Variants in SLC71A2 observed in about 807,000 individuals in gnomAD.
SLC71A2 encodes the protein hippocampus abundant transcript-like 1.
At chr9:94,460,475 T>C in the SLC71A2 span, 1 of 151,706 alleles carries the variant, frequency 6.6e-6, no homozygotes, top group Non-Finnish European at 1.5e-5. Context: ...TAAGTTCCTT[T>C]CTAAAATAAG....
chr9:94,441,380 G>A, the SLC71A2 span, among the ~76,000 whole-genome samples: 1 of 152,118 alleles, frequency 6.6e-6, no homozygotes, highest in African/African-American at 2.4e-5. Flanking sequence ...GGAGCAGGAG[G>A]AAGAGAGAGT....
the SLC71A2 span, among the ~76,000 whole-genome samples, chr9:94,406,066 A>ATTTT: frequency 0.11 from 6,880 of 63,496 alleles, 1,600 homozygotes; most frequent in African/African-American, 0.2. Context: ...TGCAACTTGA[A>ATTTT]TTTTTTTTTT....
chr9:94,400,581 A>AG, the SLC71A2 span, among the ~76,000 whole-genome samples: 2 of 149,180 alleles, frequency 1.3e-5, no homozygotes, highest in Non-Finnish European at 3.0e-5. Flanking sequence ...AAAAAAAAAA[A>AG]GACTCCACTA....
chr9:94,449,019 A>G, the SLC71A2 span, among the ~76,000 whole-genome samples: 1 of 152,356 alleles, frequency 6.6e-6, no homozygotes, highest in South Asian at 2.1e-4. Context: ...GTAGAAAATT[A>G]TACTTGTGTC....
At chr9:94,455,505 G>A in the SLC71A2 span, among the ~76,000 whole-genome samples, 1 of 150,254 alleles carries the variant, frequency 6.7e-6, no homozygotes, top group African/African-American at 2.5e-5. Flanking sequence ...ATGAGCCACT[G>A]TCCCTAGCCG....
At chr9:94,391,943 C>T in the SLC71A2 span, among the ~76,000 whole-genome samples, 5 of 152,170 alleles carry the variant, frequency 3.3e-5, no homozygotes, top group South Asian at 1.0e-3. Flanking sequence ...GTCTTGAACC[C>T]CTGGGCTCCA....
chr9:94,376,579 C>A, the SLC71A2 span, among the ~76,000 whole-genome samples: 5 of 146,408 alleles, frequency 3.4e-5, no homozygotes, highest in Non-Finnish European at 6.0e-5. Context: ...ATTAGACGAG[C>A]ATGCTTGAAA....
chr9:94,422,234 C>T, the SLC71A2 span, among the ~76,000 whole-genome samples: 4 of 152,178 alleles, frequency 2.6e-5, no homozygotes, highest in African/African-American at 9.7e-5. Flanking sequence ...GGAGAGGACT[C>T]TTAGAAGCAT....
At chr9:94,435,649 T>C in the SLC71A2 span, among the ~76,000 whole-genome samples, 3 of 59,726 alleles carry the variant, frequency 5.0e-5, no homozygotes, top group East Asian at 9.8e-4. Context: ...TTTTCCTTCT[T>C]CTTTTTTTTT....
the SLC71A2 span, among the ~76,000 whole-genome samples, chr9:94,428,382 T>G: frequency 2.3e-5 from 3 of 128,442 alleles, no homozygotes; most frequent in Admixed American, 8.2e-5. Context: ...TACAGGCAGG[T>G]AGAGTTCAAA....
At chr9:94,453,055 G>A in the SLC71A2 span, among the ~76,000 whole-genome samples, 1 of 150,758 alleles carries the variant, frequency 6.6e-6, no homozygotes, top group African/African-American at 2.4e-5. Context: ...TTATATTTTT[G>A]TTTTTGTTGA....
chr9:94,446,197 G>C, the SLC71A2 span, among the ~76,000 whole-genome samples: 1 of 152,186 alleles, frequency 6.6e-6, no homozygotes, highest in Non-Finnish European at 1.5e-5. Context: ...TAAAAGCTAT[G>C]GTCTGATGAG....
chr9:94,450,491 AAC>A, the SLC71A2 span, among the ~76,000 whole-genome samples: 2 of 57,006 alleles, frequency 3.5e-5, no homozygotes, highest in African/African-American at 1.9e-4. Flanking sequence ...AAAATAATGT[AAC>A]TTTTTTTTTT....
the SLC71A2 span, among the ~76,000 whole-genome samples, chr9:94,386,232 TCA>T: frequency 4.9e-5 from 7 of 143,178 alleles, no homozygotes; most frequent in East Asian, 1.4e-3. Flanking sequence ...ATAAATGAAA[TCA>T]CTTTCTTAAT....
the SLC71A2 span, among the ~76,000 whole-genome samples, chr9:94,420,693 G>A: frequency 1.2e-4 from 18 of 151,722 alleles, no homozygotes; most frequent in African/African-American, 4.4e-4. Flanking sequence ...GAGGTCAGGA[G>A]TTCGAGATTA....
At chr9:94,441,173 G>T in the SLC71A2 span, 2 of 741,916 alleles carry the variant, frequency 2.7e-6, no homozygotes, top group Admixed American at 5.2e-5. Context: ...ACTGGAAAGT[G>T]AGTTTATTAG....
At chr9:94,441,014 G>C in the SLC71A2 span, 1 of 1,611,020 alleles carries the variant, frequency 6.2e-7, no homozygotes, top group South Asian at 1.1e-5. Flanking sequence ...TCTGTGTCTG[G>C]AGTCTTCTCG....
chr9:94,460,557 TACAG>T, the SLC71A2 span: 4 of 152,668 alleles, frequency 2.6e-5, no homozygotes, highest in East Asian at 7.7e-4. Context: ...AAGAAAACTT[TACAG>T]ATTTATATGT....
chr9:94,409,129 C>CTTTTTTTTTTTTTTTTT, the SLC71A2 span, among the ~76,000 whole-genome samples: 1 of 68,240 alleles, frequency 1.5e-5, no homozygotes, highest in African/African-American at 7.5e-5. Flanking sequence ...GCCCGGCCTC[C>CTTTTTTTTTTTTTTTTT]TTTTTTTTTT....
Sources: allele counts gnomAD v4.1 joint callset (sites outside exome capture counted in the v4.1 genomes callset), GRCh38; gene constraint gnomAD v4.1.1; transcripts MANE v1.5; gene names NCBI Gene and HGNC (gene_info 2026-07-23, HGNC 2026-07-21).